FSTL1: variants seen among roughly 807,000 people sequenced by gnomAD.
FSTL1 encodes follistatin like 1, also known as follistatin-related protein 1.
Under a neutral mutation model 45.9 loss-of-function variants are expected in FSTL1, and 24 were observed. That is an observed-to-expected ratio of 0.52 (90% confidence interval 0.38 to 0.74). The LOEUF is 0.74. FSTL1 is among the 30% of genes least tolerant of loss of function. The pLI is 0.00. For missense variants in FSTL1, 340 were observed against 381.8 expected (o/e 0.89, Z 0.91); for synonymous variants, 120 against 137.6 (o/e 0.87, Z 0.89).
At chr3:120,398,757 A>C (rs1455150141) in intron 10 of FSTL1, among the ~76,000 whole-genome samples, 1 of 152,244 alleles carries the variant, frequency 6.6e-6, no homozygotes, top group East Asian at 1.9e-4. Context: ...TCAAACACAG[A>C]AACTTAAACA....
chr3:120,406,524 C>T (rs184632286), intron 6 of FSTL1, among the ~76,000 whole-genome samples: 1 of 152,312 alleles, frequency 6.6e-6, no homozygotes, highest in East Asian at 1.9e-4. Flanking sequence ...GTGCTGTGTA[C>T]ACACACTTCA....
At position 120,410,951 on chromosome 3, in the gene FSTL1, C is replaced by G; in HGVS notation, c.331+1G>C. ...ACACAGTAGAAAAAATAGGCACTCA[C>G]CTGGGCTGGCAGATGGACTTACGGA... On this transcript the variant is annotated splice_donor_variant, in intron 5 of 10. Coordinates refer to ENST00000295633, the MANE Select transcript of FSTL1 (RefSeq NM_007085.5). LOFTEE classifies it high-confidence loss of function. 6.2e-7 allele frequency: 1 copy of G among 1,609,264 alleles called. No individual in the cohort carries two copies. Among genetic ancestry groups the G allele is most frequent in the Non-Finnish European group, 8.5e-7 (1 of 1,175,604 alleles).
intron 2 of FSTL1, among the ~76,000 whole-genome samples, chr3:120,445,530 T>G (rs920942372): frequency 6.7e-6 from 1 of 149,300 alleles, no homozygotes; most frequent in Non-Finnish European, 1.5e-5. Context: ...AACATACAGG[T>G]TCATACCTTT....
chr3:120,447,041 G>C (rs1418370619), intron 2 of FSTL1, among the ~76,000 whole-genome samples: 1 of 152,138 alleles, frequency 6.6e-6, no homozygotes, highest in Non-Finnish European at 1.5e-5. Context: ...AAGGGAGAGT[G>C]GGGGTATGCT....
intron 6 of FSTL1, among the ~76,000 whole-genome samples, chr3:120,408,379 G>T (rs1258138460): frequency 1.3e-5 from 2 of 152,224 alleles, no homozygotes; most frequent in African/African-American, 4.8e-5. Flanking sequence ...ATAGAGGAGA[G>T]AAATCTCTAT....
intron 9 of FSTL1, among the ~76,000 whole-genome samples, chr3:120,401,968 C>T (rs548635098): frequency 6.6e-6 from 1 of 152,354 alleles, no homozygotes; most frequent in African/African-American, 2.4e-5. Flanking sequence ...CTTCAACACC[C>T]TTCTCTGTCT....
chr3:120,421,894 T>G (rs993452836), intron 2 of FSTL1, among the ~76,000 whole-genome samples: 7 of 152,184 alleles, frequency 4.6e-5, no homozygotes, highest in African/African-American at 1.7e-4. Flanking sequence ...AAATATACAA[T>G]TATAAATGCA....
intron 6 of FSTL1, among the ~76,000 whole-genome samples, chr3:120,406,474 T>A (rs1426489589): frequency 6.6e-6 from 1 of 152,206 alleles, no homozygotes; most frequent in African/African-American, 2.4e-5. Context: ...GTGGGCACCA[T>A]GAACCTGGCA....
intron 6 of FSTL1, among the ~76,000 whole-genome samples, chr3:120,408,343 T>C (rs1011303251): frequency 6.6e-6 from 1 of 152,188 alleles, no homozygotes; most frequent in African/African-American, 2.4e-5. Flanking sequence ...CTCAAAAACT[T>C]GGAATCCAGA....
At chr3:120,407,030 CTG>C (rs1197809151) in intron 6 of FSTL1, among the ~76,000 whole-genome samples, 2 of 152,150 alleles carry the variant, frequency 1.3e-5, no homozygotes, top group Non-Finnish European at 2.9e-5. Flanking sequence ...AAAGTTTTGA[CTG>C]TGTTTTGAAT....
intron 3 of FSTL1, among the ~76,000 whole-genome samples, chr3:120,414,884 A>G (rs1937159027): frequency 6.6e-6 from 1 of 150,424 alleles, no homozygotes; most frequent in South Asian, 2.1e-4. Flanking sequence ...GCCTAGGAAA[A>G]CCAGAGACCT....
chr3:120,424,307 A>G (rs890841904), intron 2 of FSTL1, among the ~76,000 whole-genome samples: 3 of 152,158 alleles, frequency 2.0e-5, no homozygotes, highest in African/African-American at 7.2e-5. Flanking sequence ...GTCTCTAAAA[A>G]TAACAACAAA....
At position 120,395,865 on chromosome 3, in the gene FSTL1, G is replaced by A. The variant is rs1045624610; in HGVS notation, c.*1087C>T. ...CCTAGTTAGTCGAATGAGCATATTG[G>A]TAGGCTGGGATATCCTAAGCCCTGC... On this transcript the variant is annotated 3_prime_UTR_variant, in exon 11 of 11. Coordinates refer to ENST00000295633, the MANE Select transcript of FSTL1 (RefSeq NM_007085.5). 2.1e-5 allele frequency: 8 copies of A among 383,812 alleles called. No homozygotes were observed. Among genetic ancestry groups the A allele is most frequent in the Non-Finnish European group, 3.6e-5 (7 of 196,518 alleles). 23.8% of individuals were successfully genotyped at this position (383,812 alleles called of 1,614,324 possible).
rs952929032 is a variant in FSTL1, at chr3:120,426,159, T to A, written c.64-10132A>T. On this transcript the variant is annotated intron_variant, in intron 2 of 10. Coordinates refer to ENST00000295633, the MANE Select transcript of FSTL1 (RefSeq NM_007085.5). ...CAAGGAAAATGGTTGATCAAAAGTT[T>A]AAAAAAAAAATTCCCACACACCTAA... Among the ~76,000 whole-genome samples, 7 of 151,878 alleles carry A rather than the reference T, an allele frequency of 4.6e-5. No individual in the cohort carries two copies. In the East Asian group the frequency reaches 5.8e-4, roughly 13 times the overall value.
chr3:120,428,021 C>T (rs1001606870), intron 2 of FSTL1, among the ~76,000 whole-genome samples: 4 of 152,160 alleles, frequency 2.6e-5, no homozygotes, highest in Non-Finnish European at 4.4e-5. Flanking sequence ...CAGTGCTTTG[C>T]GTGAACTCTT....
chr3:120,413,690 C>A (rs1937114667), intron 3 of FSTL1, among the ~76,000 whole-genome samples: 1 of 151,676 alleles, frequency 6.6e-6, no homozygotes, highest in East Asian at 1.9e-4. Context: ...TTTATGTTCA[C>A]TTTAGTGGCA....
At position 120,402,936 on chromosome 3, in the gene FSTL1, C is replaced by G; in HGVS notation, c.695-18G>C. ...GGCACACTCTGTTGGGCCAGAAATA[C>G]GGGGCAACAGTTTAGCTGTGAGGGT... On this transcript the variant is annotated intron_variant, in intron 8 of 10. Transcript: ENST00000295633. The G allele has an allele frequency of 6.8e-7, 1 of 1,477,530 alleles. No individual in the cohort carries two copies. The highest frequency in any genetic ancestry group is 2.3e-5 in the East Asian group (1 of 44,222). The allele number at this position is 1,477,530 out of a possible 1,614,324, so 91.5% of individuals were successfully genotyped here. A position where few individuals can be genotyped will look rare whatever the true frequency, so the allele number is the denominator to read the frequency against.
At chr3:120,450,136 G>A (rs1165142812) in intron 2 of FSTL1, among the ~76,000 whole-genome samples, 1 of 152,148 alleles carries the variant, frequency 6.6e-6, no homozygotes, top group Admixed American at 6.5e-5. Context: ...GAACACTTGG[G>A]AAAAGGCCGT....
At position 120,399,758 on chromosome 3, in the gene FSTL1, C is replaced by T. The variant is rs1374921172; in HGVS notation, c.882+125G>A. The T allele has an allele frequency of 4.6e-6, 3 of 654,110 alleles. No homozygotes were observed. The Admixed American group carries it at 7.2e-5, about 16-fold the overall frequency. The allele number at this position is 654,110 out of a possible 1,614,324, so 40.5% of individuals were successfully genotyped here. A position where few individuals can be genotyped will look rare whatever the true frequency, so the allele number is the denominator to read the frequency against. The stretch of plus-strand genomic sequence containing the variant: ...TGATAGTACAGGTGATGGGGTATCA[C>T]TCAAGATGTACTGTATTGAGCAGAG... On this transcript the variant is annotated intron_variant, in intron 10 of 10. Transcript: ENST00000295633.
Sources: allele counts gnomAD v4.1 joint callset (sites outside exome capture counted in the v4.1 genomes callset), GRCh38; gene constraint gnomAD v4.1.1; transcripts MANE v1.5; gene names NCBI Gene and HGNC (gene_info 2026-07-23, HGNC 2026-07-21).